Variants in ZGPAT observed in about 807,000 individuals in gnomAD.
The protein encoded by ZGPAT is zinc finger CCCH-type with G patch domain-containing protein.
In ZGPAT, 39 loss-of-function variants were observed where a neutral mutation model predicts 47.9. The observed-to-expected ratio is 0.81, with a 90% confidence interval of 0.63 to 1.06. The LOEUF (loss-of-function observed/expected upper bound fraction) is 1.06, where lower values mean the gene tolerates loss of function less well. Ranked by LOEUF, ZGPAT falls within the 50% of genes least tolerant of loss-of-function variation. The pLI is 0.00. For synonymous variants in ZGPAT, 348 were observed against 292.9 expected (o/e 1.19, Z -1.92); for missense variants, 717 against 681.4 (o/e 1.05, Z -0.58).
chr20:63,713,668 C>T (rs888816791), intron 2 of ZGPAT, among the ~76,000 whole-genome samples: 2 of 151,074 alleles, frequency 1.3e-5, no homozygotes, highest in South Asian at 2.1e-4. Context: ...GTCAGGAGTT[C>T]GAGACCAGCC....
At chr20:63,708,274 CGCGGCGGGTGGGCTCGGCGGAGGGT>C (rs1248627850) in intron 1 of ZGPAT, 156 bp downstream of exon 1, 3 of 180,890 alleles carry the variant, frequency 1.7e-5, no homozygotes, top group Non-Finnish European at 1.1e-5. Context: ...AGGCGGCGGG[CGCGGCGGGTGGGCTCGGCGGAGGGT>C]GAGGCGGCGG....
At chr20:63,709,621 T>C (rs979545855) in intron 2 of ZGPAT, among the ~76,000 whole-genome samples, 2 of 151,990 alleles carry the variant, frequency 1.3e-5, no homozygotes, top group Non-Finnish European at 2.9e-5. Context: ...CGAGCAGCAG[T>C]GCAAGGCTTA....
intron 2 of ZGPAT, among the ~76,000 whole-genome samples, chr20:63,719,193 T>G (rs527954485): frequency 4.7e-4 from 71 of 152,312 alleles, no homozygotes; most frequent in Non-Finnish European, 7.6e-4. Context: ...TTTTAGGAGA[T>G]TCTCTATCTT....
At chr20:63,727,228 A>ATTTTTTTTTTT (rs11476997) in intron 2 of ZGPAT, among the ~76,000 whole-genome samples, 1 of 140,076 alleles carries the variant, frequency 7.1e-6, no homozygotes. Context: ...TTTCCATTTG[A>ATTTTTTTTTTT]TTTTTTTTTT....
chr20:63,732,740 A>C (rs566757305), intron 2 of ZGPAT, among the ~76,000 whole-genome samples: 1 of 149,490 alleles, frequency 6.7e-6, no homozygotes, highest in South Asian at 2.1e-4. Context: ...GTATGTCTGT[A>C]TATGTGTGTG....
intron 2 of ZGPAT, among the ~76,000 whole-genome samples, chr20:63,718,177 G>A (rs555951451): frequency 2.0e-5 from 3 of 151,862 alleles, no homozygotes; most frequent in East Asian, 3.9e-4. Context: ...AAGAGCCACC[G>A]CACCCTGCCA....
chr20:63,714,660 A>G lies in ZGPAT; in HGVS notation c.584+5496A>G, dbSNP rs569735662. 1.4e-4 allele frequency among the ~76,000 whole-genome samples: 21 copies of G among 151,138 alleles called. No homozygotes were observed. The South Asian group carries it at 3.3e-3, about 24-fold the overall frequency. ...ATGAAAGGGTGTTGATTTTTTTTTT[A>G]AAGATAGGGTCTTGTTCTGTCACCC... On this transcript the variant is annotated intron_variant, in intron 2 of 6. Coordinates refer to ENST00000355969, the MANE Select transcript of ZGPAT (RefSeq NM_181485.3).
chr20:63,710,717 T>C (rs1277737897), intron 2 of ZGPAT, among the ~76,000 whole-genome samples: 1 of 152,210 alleles, frequency 6.6e-6, no homozygotes, highest in Non-Finnish European at 1.5e-5. Context: ...CTAATCTAAC[T>C]GATTAGGAAA....
rs967667093 is a variant in ZGPAT, at chr20:63,735,213, C to T, written c.1046C>T (p.Pro349Leu). 7 of 1,564,896 alleles carry T rather than the reference C, an allele frequency of 4.5e-6. No homozygotes were observed. The African/African-American group carries it at 9.6e-5, about 21-fold the overall frequency. ...GAGCCCATCCATGCTGTGGTGTTGC[C>T]TCGAGGGAAGTCGCTGGACCAGTGT... ...RVEPIHAVVL[P>L]RGKSLDQCVE... The change falls in exon 6 of 7, where the codon CCT becomes CTT. Residue 349 changes from proline to leucine, a missense_variant. Physicochemically the swap from Pro to Leu is moderately conservative, Grantham distance 98. Coordinates refer to ENST00000355969, the MANE Select transcript of ZGPAT (RefSeq NM_181485.3).
In ZGPAT at chr20:63,708,566, C is replaced by T. The variant is rs1353799056; in HGVS notation, c.-15C>T. The stretch of plus-strand genomic sequence containing the variant: ...CTCTTCTTGCAGCCCTGGTCCAGCG[C>T]CTCCCTCTCTCAGCATGGACGAGGA... On this transcript the variant is annotated 5_prime_UTR_variant, in exon 2 of 7. Coordinates refer to ENST00000355969, the MANE Select transcript of ZGPAT (RefSeq NM_181485.3). 1.9e-6 allele frequency: 3 copies of T among 1,572,102 alleles called. No homozygotes were observed. Among genetic ancestry groups the T allele is most frequent in the South Asian group, 1.2e-5 (1 of 86,882 alleles).
intron 2 of ZGPAT, among the ~76,000 whole-genome samples, chr20:63,709,370 G>C (rs1051392312): frequency 6.6e-6 from 1 of 152,180 alleles, no homozygotes; most frequent in Non-Finnish European, 1.5e-5. Context: ...AGGCGCGGTG[G>C]CTCACGCCTG....
At chr20:63,732,484 C>T (rs570486626) in intron 2 of ZGPAT, among the ~76,000 whole-genome samples, 26 of 138,550 alleles carry the variant, frequency 1.9e-4, no homozygotes, top group Non-Finnish European at 3.6e-4. Flanking sequence ...TGGGTGAGGG[C>T]GTATGTGTGT....
chr20:63,735,753 C>T (rs574498864), intron 6 of ZGPAT, 28 bp from the exon 7 acceptor site: 23 of 1,572,032 alleles, frequency 1.5e-5, no homozygotes, highest in Admixed American at 1.9e-5. Context: ...GCCCAGGACC[C>T]CACGCTGACT....
At position 63,736,001 on chromosome 20, in the gene ZGPAT, C is replaced by A; in HGVS notation, c.*82C>A. 1.3e-6 allele frequency: 2 copies of A among 1,545,718 alleles called. No individual in the cohort carries two copies. Among genetic ancestry groups the A allele is most frequent in the Non-Finnish European group, 1.7e-6 (2 of 1,142,920 alleles). ...AAGACCAGTGTTGCCCGAGGAGGGG[C>A]CGGCCTGCTGGCCTGGGGCGTGCAG... On this transcript the variant is annotated 3_prime_UTR_variant, in exon 7 of 7. Transcript: ENST00000355969.
chr20:63,731,336 C>G (rs906671415), intron 2 of ZGPAT, among the ~76,000 whole-genome samples: 1 of 16,894 alleles, frequency 5.9e-5, no homozygotes, highest in African/African-American at 5.5e-4. Context: ...GTAAAGTGTA[C>G]AGTTGGCCCT....
rs199550529 is a variant in ZGPAT at position 63,733,301 on chromosome 20, G to T, written c.667G>T (p.Ala223Ser). ...PDLSSLQAGSACLAKHQDGLW... is the reference protein window; with the variant it reads ...PDLSSLQAGSSCLAKHQDGLW... The stretch of plus-strand genomic sequence containing the variant: ...CCTGAGCTCCCTGCAGGCCGGCTCT[G>T]CGTGTCTGGCCAAGCACCAGGATGG... Residue 223 changes from alanine to serine, a missense_variant, in exon 3 of 7, where the codon GCG (alanine) becomes TCG (serine). Transcript: ENST00000355969. The T allele has an allele frequency of 2.3e-4, 368 of 1,613,436 alleles. 1 individual carries two copies. The East Asian group carries it at 6.8e-3, about 30-fold the overall frequency.
chr20:63,707,486 G>C (rs1290209707), upstream of ZGPAT: 2 of 171,172 alleles, frequency 1.2e-5, no homozygotes, highest in Non-Finnish European at 2.5e-5. Context: ...CGGCACCCTC[G>C]AGCGCCAGCC....
At position 63,714,586 on chromosome 20, in the gene ZGPAT, G is replaced by A. The variant is rs578008042; in HGVS notation, c.584+5422G>A. Among the ~76,000 whole-genome samples the A allele has an allele frequency of 9.2e-5, 14 of 152,008 alleles. No homozygotes were observed. In the South Asian group the frequency reaches 1.0e-3, roughly 11 times the overall value. ...AGGTTTTCTGTAGATTCCCTTTATC[G>A]AGTTGAGGAAATTCTCTTATATTCA... On this transcript the variant is annotated intron_variant, in intron 2 of 6. Transcript: ENST00000355969.
At chr20:63,733,384 ACCCT>A in intron 3 of ZGPAT, 32 bp downstream of exon 3, 4 of 1,604,088 alleles carry the variant, frequency 2.5e-6, no homozygotes, top group East Asian at 2.2e-5. Context: ...TCCCGGGAAC[ACCCT>A]CCCAGGCCCC....
Sources: allele counts gnomAD v4.1 joint callset (sites outside exome capture counted in the v4.1 genomes callset), GRCh38; gene constraint gnomAD v4.1.1; transcripts MANE v1.5; gene names NCBI Gene and HGNC (gene_info 2026-07-23, HGNC 2026-07-21).